The following GBE1 variants were observed in gnomAD, a reference collection of about 807,000 sequenced individuals.
GBE1 encodes the protein 1,4-alpha-glucan-branching enzyme.
In GBE1, 70 loss-of-function variants were observed where a neutral mutation model predicts 88.8. That is an observed-to-expected ratio of 0.79 (90% CI 0.65 to 0.96). The LOEUF (loss-of-function observed/expected upper bound fraction) is 0.96. Ranked by LOEUF, GBE1 falls within the 40% of genes least tolerant of loss-of-function variation. GBE1 has a pLI of 0.00. For missense variants in GBE1, 872 were observed against 871.0 expected (o/e 1.00, Z -0.01); for synonymous variants, 284 against 300.1 (o/e 0.95, Z 0.56).
intron 2 of GBE1, among the ~76,000 whole-genome samples, chr3:81,702,004 A>T (rs1384093819): frequency 6.6e-6 from 1 of 151,748 alleles, no homozygotes; most frequent in Non-Finnish European, 1.5e-5. Context: ...AAGAAAAAAA[A>T]TCTTTCTTTT....
At chr3:81,550,722 C>A (rs957382029) in intron 12 of GBE1, among the ~76,000 whole-genome samples, 1 of 152,134 alleles carries the variant, frequency 6.6e-6, no homozygotes. Context: ...CATTGCTATA[C>A]GCCCACCATC....
chr3:81,638,901 T>A (rs760395724), intron 7 of GBE1, among the ~76,000 whole-genome samples: 1 of 152,152 alleles, frequency 6.6e-6, no homozygotes, highest in African/African-American at 2.4e-5. Context: ...TTCTATAACA[T>A]CAATTTTTTC....
chr3:81,668,974 T>C (rs1341103636), intron 3 of GBE1, among the ~76,000 whole-genome samples: 1 of 152,192 alleles, frequency 6.6e-6, no homozygotes, highest in East Asian at 1.9e-4. Context: ...AAAATTCTGA[T>C]TCCCTATGCA....
chr3:81,761,318 C>G, intron 1 of GBE1, 57 bp downstream of exon 1: 1 of 1,549,518 alleles, frequency 6.5e-7, no homozygotes, highest in South Asian at 1.2e-5. Context: ...TGTCCCGAGA[C>G]GGCTCCTGGG....
At chr3:81,673,555 T>C (rs1705217653) in intron 2 of GBE1, among the ~76,000 whole-genome samples, 1 of 151,972 alleles carries the variant, frequency 6.6e-6, no homozygotes, top group Non-Finnish European at 1.5e-5. Context: ...TTGTAAGAGC[T>C]GTTTTCAGCA....
chr3:81,744,342 A>C (rs1010652212), intron 1 of GBE1, among the ~76,000 whole-genome samples: 9 of 152,150 alleles, frequency 5.9e-5, no homozygotes, highest in Non-Finnish European at 1.3e-4. Flanking sequence ...GAATAGTGTA[A>C]AAATTAGTTT....
chr3:81,584,495 T>C (rs1703773537), intron 10 of GBE1, among the ~76,000 whole-genome samples: 1 of 152,132 alleles, frequency 6.6e-6, no homozygotes, highest in African/African-American at 2.4e-5. Context: ...AATACTATTT[T>C]AACTTTAGTT....
chr3:81,529,808 C>A (rs941507619), intron 14 of GBE1, among the ~76,000 whole-genome samples: 1 of 151,956 alleles, frequency 6.6e-6, no homozygotes, highest in Non-Finnish European at 1.5e-5. Flanking sequence ...TGGGTAAAAT[C>A]TGCATTGTGT....
At chr3:81,571,231 C>T (rs1172307924) in intron 12 of GBE1, among the ~76,000 whole-genome samples, 4 of 152,132 alleles carry the variant, frequency 2.6e-5, no homozygotes, top group African/African-American at 7.2e-5. Flanking sequence ...TTACTTTTCT[C>T]CGTTGAAGAG....
intron 10 of GBE1, among the ~76,000 whole-genome samples, chr3:81,585,596 TAC>T (rs1231750170): frequency 2.6e-5 from 4 of 152,190 alleles, no homozygotes; most frequent in Non-Finnish European, 5.9e-5. Context: ...AAGTACCATG[TAC>T]AGTTATTCAT....
At chr3:81,625,823 G>C (rs1432989921) in intron 7 of GBE1, among the ~76,000 whole-genome samples, 1 of 152,104 alleles carries the variant, frequency 6.6e-6, no homozygotes, top group Admixed American at 6.6e-5. Context: ...ATATCTATTG[G>C]AGTACGGGGA....
chr3:81,494,025 T>TAA (rs1223503539), intron 15 of GBE1, among the ~76,000 whole-genome samples: 2 of 145,946 alleles, frequency 1.4e-5, no homozygotes, highest in South Asian at 2.2e-4. Context: ...TGCAATATGC[T>TAA]AAAAAAAAAA....
chr3:81,546,203 C>A (rs1209872436), intron 12 of GBE1, among the ~76,000 whole-genome samples: 1 of 151,264 alleles, frequency 6.6e-6, no homozygotes, highest in Non-Finnish European at 1.5e-5. Context: ...TGTACATGCA[C>A]ACACACACAC....
intron 12 of GBE1, 51 bp from the exon 13 acceptor site, chr3:81,537,146 T>C (rs1703088650): frequency 1.2e-5 from 13 of 1,076,024 alleles, no homozygotes; most frequent in Non-Finnish European, 1.5e-5. Flanking sequence ...TAGAATTTCT[T>C]ACTAATAATA....
intron 1 of GBE1, among the ~76,000 whole-genome samples, chr3:81,754,853 G>T (rs1232517486): frequency 6.6e-6 from 1 of 152,100 alleles, no homozygotes; most frequent in African/African-American, 2.4e-5. Context: ...TTTAGTCTAA[G>T]ACCTGAAACT....
chr3:81,525,962 T>G (rs1702938577), intron 14 of GBE1, among the ~76,000 whole-genome samples: 1 of 152,088 alleles, frequency 6.6e-6, no homozygotes, highest in Non-Finnish European at 1.5e-5. Flanking sequence ...ATCAATTTTG[T>G]TGATCTTTTC....
intron 3 of GBE1, among the ~76,000 whole-genome samples, chr3:81,650,560 TA>T (rs1420006519): frequency 6.6e-6 from 1 of 152,216 alleles, no homozygotes; most frequent in African/African-American, 2.4e-5. Context: ...ATAACAAATT[TA>T]TTTTTTTAAC....
At chr3:81,607,917 C>T (rs956845080) in intron 7 of GBE1, among the ~76,000 whole-genome samples, 2 of 151,872 alleles carry the variant, frequency 1.3e-5, no homozygotes, top group African/African-American at 2.4e-5. Context: ...TAAATTTTAT[C>T]GTAGGACAGC....
At chr3:81,761,306 C>G (rs895006458) in intron 1 of GBE1, 69 bp downstream of exon 1, 5 of 1,532,830 alleles carry the variant, frequency 3.3e-6, no homozygotes, top group South Asian at 2.4e-5. Flanking sequence ...AGGGGCGGCC[C>G]GTGTCCCGAG....
Sources: gnomAD v4.1 joint callset for allele counts (sites outside exome capture counted in the v4.1 genomes callset) on GRCh38, gnomAD v4.1.1 for gene constraint, MANE v1.5 for transcripts, NCBI Gene and HGNC (gene_info 2026-07-23, HGNC 2026-07-21) for gene names.